SPIDR: variants seen among roughly 807,000 people sequenced by gnomAD.
SPIDR encodes the protein DNA repair-scaffolding protein.
SPIDR carries 93 observed loss-of-function variants against 104.6 expected under a neutral mutation model. The observed-to-expected ratio is 0.89, with a 90% CI of 0.75 to 1.06. The LOEUF (loss-of-function observed/expected upper bound fraction) is 1.06, where lower values mean the gene tolerates loss of function less well. SPIDR is among the 50% of genes least tolerant of loss of function. SPIDR has a pLI of 0.00. For synonymous variants in SPIDR, 431 were observed against 416.9 expected (o/e 1.03, Z -0.41); for missense variants, 1,154 against 1,111.2 (o/e 1.04, Z -0.55).
chr8:47,335,972 G>A (rs1404218122), intron 5 of SPIDR, among the ~76,000 whole-genome samples: 3 of 150,714 alleles, frequency 2.0e-5, no homozygotes, highest in Non-Finnish European at 2.9e-5. Flanking sequence ...TTAGTTTCTC[G>A]GATCTGTGTG....
chr8:47,582,889 A>T (rs1232598832), intron 8 of SPIDR, among the ~76,000 whole-genome samples: 1 of 148,096 alleles, frequency 6.8e-6, no homozygotes, highest in Non-Finnish European at 1.5e-5. Flanking sequence ...AAAGCTTTCC[A>T]CCAGACACAC....
At position 47,718,505 on chromosome 8, in the gene SPIDR, CT is replaced by C. The variant is rs372270226; in HGVS notation, c.2341+4875del. Among the ~76,000 whole-genome samples, 942 of 143,156 alleles carry C rather than the reference CT, an allele frequency of 6.6e-3. 9 individuals carry two copies. Among genetic ancestry groups the C allele is most frequent in the African/African-American group, 0.021 (829 of 39,198 alleles). 93.9% of individuals were successfully genotyped at this position (143,156 alleles called of 152,430 possible). On this transcript the variant is annotated intron_variant, in intron 16 of 19. Coordinates refer to ENST00000297423, the MANE Select transcript of SPIDR (RefSeq NM_001080394.4). ...ATGCTTAAACTACTTATCTTTGGCT[CT>C]TTTTTTTTTTCATTTTTCTGTACCT...
At chr8:47,515,614 A>G (rs940195269) in intron 8 of SPIDR, among the ~76,000 whole-genome samples, 5 of 152,156 alleles carry the variant, frequency 3.3e-5, no homozygotes, top group Non-Finnish European at 5.9e-5. Flanking sequence ...ACAGGACTTT[A>G]TTGTATTTTG....
chr8:47,436,246 G>T (rs1411818573), intron 7 of SPIDR, among the ~76,000 whole-genome samples: 2 of 152,198 alleles, frequency 1.3e-5, no homozygotes, highest in African/African-American at 4.8e-5. Context: ...TCAAGGGAAG[G>T]AATAGTTGCT....
intron 8 of SPIDR, among the ~76,000 whole-genome samples, chr8:47,445,286 A>T (rs2070348726): frequency 6.6e-6 from 1 of 152,170 alleles, no homozygotes; most frequent in Non-Finnish European, 1.5e-5. Context: ...GAGTTTTCAT[A>T]ATTATTATCT....
intron 11 of SPIDR, among the ~76,000 whole-genome samples, chr8:47,687,160 A>G (rs1448897898): frequency 2.6e-5 from 4 of 152,230 alleles, no homozygotes; most frequent in African/African-American, 9.6e-5. Flanking sequence ...CCTGGACCAT[A>G]CATTTGTAAA....
intron 5 of SPIDR, chr8:47,360,955 C>T: frequency 1.0e-6 from 1 of 984,928 alleles, no homozygotes; most frequent in South Asian, 4.7e-5. Flanking sequence ...GTATGGTGAG[C>T]ATTCACATAT....
At chr8:47,386,420 T>G (rs954579373) in intron 5 of SPIDR, among the ~76,000 whole-genome samples, 1 of 152,174 alleles carries the variant, frequency 6.6e-6, no homozygotes, top group Non-Finnish European at 1.5e-5. Flanking sequence ...TTTTAAAATT[T>G]TTTGGTTACA....
chr8:47,628,822 T>C (rs2066600083), intron 10 of SPIDR, among the ~76,000 whole-genome samples: 1 of 152,202 alleles, frequency 6.6e-6, no homozygotes, highest in Non-Finnish European at 1.5e-5. Context: ...GAATGTTTGT[T>C]GGTTTTTTGG....
At chr8:47,717,265 GTTC>G (rs1463731121) in intron 16 of SPIDR, among the ~76,000 whole-genome samples, 2 of 152,146 alleles carry the variant, frequency 1.3e-5, no homozygotes, top group Non-Finnish European at 2.9e-5. Flanking sequence ...GTTGCTACCT[GTTC>G]TTCTCCCACC....
chr8:47,502,298 A>G (rs1178945333), intron 8 of SPIDR, among the ~76,000 whole-genome samples: 1 of 152,184 alleles, frequency 6.6e-6, no homozygotes, highest in East Asian at 1.9e-4. Context: ...TAAGCTATTA[A>G]TTATTGCCTC....
intron 3 of SPIDR, 72 bp downstream of exon 3, chr8:47,284,166 T>A (rs1277833279): frequency 9.0e-6 from 12 of 1,338,356 alleles, no homozygotes; most frequent in Non-Finnish European, 1.3e-5. Context: ...ATTTTAAAAA[T>A]TTGCTGTTTT....
At chr8:47,343,672 C>A (rs187696567) in intron 5 of SPIDR, among the ~76,000 whole-genome samples, 3 of 152,264 alleles carry the variant, frequency 2.0e-5, no homozygotes, top group African/African-American at 7.2e-5. Flanking sequence ...CTCTAGGGGC[C>A]ACAGAACTGA....
chr8:47,603,644 T>A (rs1171510257), intron 10 of SPIDR, among the ~76,000 whole-genome samples: 2 of 151,828 alleles, frequency 1.3e-5, no homozygotes, highest in Non-Finnish European at 2.9e-5. Flanking sequence ...GCAATCCTCC[T>A]GCCTTGGCTT....
At chr8:47,305,635 C>T (rs904188548) in intron 5 of SPIDR, among the ~76,000 whole-genome samples, 1 of 152,000 alleles carries the variant, frequency 6.6e-6, no homozygotes, top group African/African-American at 2.4e-5. Flanking sequence ...ATTTAATGTG[C>T]ATATGTATAA....
chr8:47,331,815 A>C (rs2048715061), intron 5 of SPIDR, among the ~76,000 whole-genome samples: 1 of 151,956 alleles, frequency 6.6e-6, no homozygotes, highest in Non-Finnish European at 1.5e-5. Context: ...TTTTGTAATA[A>C]CACTTAGCTT....
At chr8:47,475,808 G>A (rs1280211183) in intron 8 of SPIDR, among the ~76,000 whole-genome samples, 7 of 152,092 alleles carry the variant, frequency 4.6e-5, no homozygotes, top group African/African-American at 7.2e-5. Context: ...TACAGTATCC[G>A]CCCCCCGCAC....
intron 16 of SPIDR, among the ~76,000 whole-genome samples, chr8:47,724,704 T>C (rs1360824265): frequency 6.6e-6 from 1 of 152,214 alleles, no homozygotes; most frequent in Non-Finnish European, 1.5e-5. Context: ...GAATATATTC[T>C]GAGCATGGAG....
intron 7 of SPIDR, among the ~76,000 whole-genome samples, chr8:47,414,254 A>G (rs925017401): frequency 5.3e-5 from 8 of 152,208 alleles, no homozygotes; most frequent in African/African-American, 1.7e-4. Context: ...GAATTGATCA[A>G]ATTGTCAAGT....
Sources: gnomAD v4.1 joint callset for allele counts (sites outside exome capture counted in the v4.1 genomes callset) on GRCh38, gnomAD v4.1.1 for gene constraint, MANE v1.5 for transcripts, NCBI Gene and HGNC (gene_info 2026-07-23, HGNC 2026-07-21) for gene names.